The following GRID1 variants were observed in gnomAD, a reference collection of about 807,000 sequenced individuals.
GRID1 encodes the protein glutamate receptor ionotropic, delta-1.
GRID1 carries 28 observed loss-of-function variants against 98.0 expected under a neutral mutation model. The ratio of observed to expected loss-of-function variants is 0.29; its 90% confidence interval spans 0.21 to 0.39. The LOEUF is 0.39. GRID1 is among the 10% of genes least tolerant of loss of function. The pLI is 1.00. For missense variants in GRID1, 1,111 were observed against 1,340.5 expected (o/e 0.83, Z 2.67); for synonymous variants, 553 against 538.5 (o/e 1.03, Z -0.37).
At chr10:85,617,799 G>T (rs1842809405) in intron 14 of GRID1, among the ~76,000 whole-genome samples, 1 of 152,230 alleles carries the variant, frequency 6.6e-6, no homozygotes, top group Non-Finnish European at 1.5e-5. Flanking sequence ...AGTCAGGAGA[G>T]CAACCCATGG....
At chr10:85,765,899 T>G (rs1842192897) in intron 8 of GRID1, among the ~76,000 whole-genome samples, 1 of 152,160 alleles carries the variant, frequency 6.6e-6, no homozygotes. Flanking sequence ...GGGTCTGAGT[T>G]TAGTGGGATA....
At chr10:86,284,654 T>G (rs2607846) in intron 2 of GRID1, among the ~76,000 whole-genome samples, 2 of 152,104 alleles carry the variant, frequency 1.3e-5, no homozygotes, top group Admixed American at 1.3e-4. Flanking sequence ...AATGTGGGCC[T>G]GCCAGGCCAC....
At chr10:86,137,684 A>G (rs986741322) in intron 4 of GRID1, among the ~76,000 whole-genome samples, 1 of 152,146 alleles carries the variant, frequency 6.6e-6, no homozygotes, top group African/African-American at 2.4e-5. Context: ...ACAGGGCAAC[A>G]TGTTCTGGTG....
At chr10:85,710,797 CAAAG>C (rs1477976337) in intron 12 of GRID1, among the ~76,000 whole-genome samples, 2 of 151,992 alleles carry the variant, frequency 1.3e-5, no homozygotes, top group African/African-American at 4.8e-5. Flanking sequence ...TAAAAATAGA[CAAAG>C]AACTTGAATA....
intron 2 of GRID1, among the ~76,000 whole-genome samples, chr10:86,237,257 G>T (rs1846553896): frequency 6.6e-6 from 1 of 152,208 alleles, no homozygotes; most frequent in Non-Finnish European, 1.5e-5. Flanking sequence ...GTTTGGATTT[G>T]TGTCTCCGCT....
intron 2 of GRID1, among the ~76,000 whole-genome samples, chr10:86,350,830 A>T (rs1848451954): frequency 6.6e-6 from 1 of 152,182 alleles, no homozygotes; most frequent in Non-Finnish European, 1.5e-5. Context: ...GTTTGAAAAT[A>T]TACAATAAAT....
Position 85,916,790 on chromosome 10 carries a change from C to T in GRID1, c.727-551G>A, listed in dbSNP as rs1425595249. Among the ~76,000 whole-genome samples, 6 of 152,202 alleles carry T rather than the reference C, an allele frequency of 3.9e-5. No homozygotes were observed. The East Asian group carries it at 1.2e-3, about 29-fold the overall frequency. On this transcript the variant is annotated intron_variant, in intron 4 of 15. Transcript: ENST00000327946. The surrounding 1 kb of genome is among the most constrained non-coding windows in gnomAD (Gnocchi z 4.0). ...TGGGCCGTAGCCCCATCCCGTAACT[C>T]TCTATTAGTGTTTTGTTCTGTTTCT... is the stretch of plus-strand genomic sequence containing the variant.
intron 13 of GRID1, among the ~76,000 whole-genome samples, chr10:85,630,475 G>C (rs551830694): frequency 1.3e-5 from 2 of 152,286 alleles, no homozygotes; most frequent in African/African-American, 4.8e-5. Context: ...AACAACGCGA[G>C]TGCCTTGGAA....
At chr10:85,729,859 A>G (rs1841803826) in intron 8 of GRID1, among the ~76,000 whole-genome samples, 1 of 152,136 alleles carries the variant, frequency 6.6e-6, no homozygotes, top group Admixed American at 6.5e-5. Context: ...AATGAAACCA[A>G]CTGGTGAGAA....
intron 4 of GRID1, among the ~76,000 whole-genome samples, chr10:85,949,900 C>G (rs1222245371): frequency 7.0e-6 from 1 of 143,002 alleles, no homozygotes; most frequent in African/African-American, 2.7e-5. Flanking sequence ...AGAGAGAGAA[C>G]TATAGGGATG....
At chr10:85,874,303 T>C (rs1234518249) in intron 5 of GRID1, among the ~76,000 whole-genome samples, 1 of 152,198 alleles carries the variant, frequency 6.6e-6, no homozygotes, top group Non-Finnish European at 1.5e-5. Context: ...TTTTATAAAG[T>C]GGTTTTACAA....
chr10:86,229,025 C>T (rs1846404775), intron 2 of GRID1, among the ~76,000 whole-genome samples: 1 of 152,164 alleles, frequency 6.6e-6, no homozygotes, highest in Non-Finnish European at 1.5e-5. Flanking sequence ...TAGGGAGGGG[C>T]TGCCTTGGTC....
At chr10:85,954,868 C>T (rs1384972652) in intron 4 of GRID1, among the ~76,000 whole-genome samples, 4 of 152,158 alleles carry the variant, frequency 2.6e-5, no homozygotes, top group South Asian at 2.1e-4. Flanking sequence ...CAGTTCCCCA[C>T]GGTGTTGTGA....
intron 8 of GRID1, among the ~76,000 whole-genome samples, chr10:85,766,861 T>A (rs1360817618): frequency 6.6e-6 from 1 of 152,106 alleles, no homozygotes; most frequent in East Asian, 1.9e-4. Context: ...TCATACCTGA[T>A]TTTACATTCA....
chr10:86,123,545 G>C (rs948403804), intron 4 of GRID1, among the ~76,000 whole-genome samples: 2 of 152,194 alleles, frequency 1.3e-5, no homozygotes, highest in Non-Finnish European at 2.9e-5. Flanking sequence ...TGGCACAAGG[G>C]CAAACAAATC....
chr10:86,269,457 C>T (rs1179367896), intron 2 of GRID1, among the ~76,000 whole-genome samples: 4 of 152,236 alleles, frequency 2.6e-5, no homozygotes, highest in African/African-American at 9.6e-5. Context: ...CACCCACACA[C>T]ATTCTGAGAG....
intron 2 of GRID1, among the ~76,000 whole-genome samples, chr10:86,265,297 G>A (rs914140360): frequency 1.3e-5 from 2 of 152,208 alleles, no homozygotes; most frequent in East Asian, 1.9e-4. Flanking sequence ...GCCCCCGACC[G>A]ATGGCTGCTA....
intron 3 of GRID1, among the ~76,000 whole-genome samples, chr10:86,201,929 C>A: frequency 6.6e-6 from 1 of 152,196 alleles, no homozygotes; most frequent in South Asian, 2.1e-4. Flanking sequence ...GTGAAGCACA[C>A]AAGGGCTCCT....
chr10:86,364,000 T>C lies in GRID1; in HGVS notation c.176A>G (p.Lys59Arg), dbSNP rs1485549934. ...SLNDDILQSE[K>R]ITYSIKVIEA... ...GATGACCTTGATGGAGTAGGTGATC[T>C]TCTCGCTCTGCAGGATGTCATCGTT... Residue 59 changes from lysine (K) to arginine (R), a missense_variant, in exon 2 of 16, where the codon AAG becomes AGG. Lys to Arg is a conservative substitution (Grantham distance 26). Transcript: ENST00000327946. 9 of 1,614,000 alleles carry C rather than the reference T, an allele frequency of 5.6e-6. No individual in the cohort carries two copies. The highest frequency in any genetic ancestry group is 7.6e-6 in the Non-Finnish European group (9 of 1,179,840).
Sources: allele counts gnomAD v4.1 joint callset (sites outside exome capture counted in the v4.1 genomes callset), GRCh38; gene constraint gnomAD v4.1.1; non-coding constraint Gnocchi (gnomAD v3.1); transcripts MANE v1.5; gene names NCBI Gene and HGNC (gene_info 2026-07-23, HGNC 2026-07-21).